NEK10: variants seen among roughly 807,000 people sequenced by gnomAD.
NEK10 encodes NIMA related kinase 10.
Under a neutral mutation model 159.8 loss-of-function variants are expected in NEK10, and 122 were observed. The observed-to-expected ratio is 0.76, with a 90% CI of 0.66 to 0.89. NEK10 has a LOEUF of 0.89. NEK10 is among the 40% of genes least tolerant of loss of function. The pLI, the probability that NEK10 is intolerant of heterozygous loss-of-function variation, is 0.00. For synonymous variants in NEK10, 466 were observed against 457.1 expected, an observed-to-expected ratio of 1.02 and a Z score of -0.25; for missense variants, 1,342 against 1,323.1, an observed-to-expected ratio of 1.01 and a Z score of -0.22.
At chr3:27,246,228 A>G (rs1955045106) in intron 23 of NEK10, among the ~76,000 whole-genome samples, 1 of 152,062 alleles carries the variant, frequency 6.6e-6, no homozygotes, top group Non-Finnish European at 1.5e-5. Flanking sequence ...CTTTTTTATT[A>G]TGACTTTTAG....
intron 1 of NEK10, among the ~76,000 whole-genome samples, chr3:27,354,699 G>A (rs1439892371): frequency 6.6e-6 from 1 of 152,186 alleles, no homozygotes; most frequent in Non-Finnish European, 1.5e-5. Context: ...GTTGCCCAAA[G>A]GCAGACAATG....
intron 22 of NEK10, among the ~76,000 whole-genome samples, chr3:27,262,879 C>G (rs1037224091): frequency 6.6e-6 from 1 of 152,356 alleles, no homozygotes; most frequent in South Asian, 2.1e-4. Context: ...TGGTGAGGAG[C>G]TGCATTCCTT....
At chr3:27,276,265 A>G (rs2041763820) in intron 22 of NEK10, among the ~76,000 whole-genome samples, 1 of 151,974 alleles carries the variant, frequency 6.6e-6, no homozygotes, top group African/African-American at 2.4e-5. Flanking sequence ...TGTTTTCAAT[A>G]CTTTGTGCCA....
intron 2 of NEK10, 21 bp downstream of exon 2, chr3:27,352,791 A>T (rs765328757): frequency 6.4e-7 from 1 of 1,556,972 alleles, no homozygotes; most frequent in South Asian, 1.1e-5. Context: ...AACAATTAGC[A>T]AACACTCAGT....
chr3:27,368,468 G>C (rs540197980), intron 1 of NEK10, among the ~76,000 whole-genome samples: 1 of 152,244 alleles, frequency 6.6e-6, no homozygotes, highest in African/African-American at 2.4e-5. Context: ...AGTAAAAATA[G>C]AGATGGTAAT....
chr3:27,263,781 T>C (rs1191317411), intron 22 of NEK10, among the ~76,000 whole-genome samples: 1 of 152,196 alleles, frequency 6.6e-6, no homozygotes, highest in African/African-American at 2.4e-5. Flanking sequence ...AGGCAATGCC[T>C]CGCCCTGCTT....
At chr3:27,233,276 C>A (rs778366875) in intron 23 of NEK10, among the ~76,000 whole-genome samples, 1 of 151,982 alleles carries the variant, frequency 6.6e-6, no homozygotes, top group Non-Finnish European at 1.5e-5. Context: ...AAACAACCAG[C>A]AAACATATGA....
chr3:27,335,903 CAAA>C (rs2046769544), intron 5 of NEK10, among the ~76,000 whole-genome samples: 1 of 151,870 alleles, frequency 6.6e-6, no homozygotes, highest in African/African-American at 2.4e-5. Flanking sequence ...ATGCTTACAT[CAAA>C]AAAGTAGAAA....
At chr3:27,285,549 A>C (rs1052594178) in intron 20 of NEK10, among the ~76,000 whole-genome samples, 28 of 152,178 alleles carry the variant, frequency 1.8e-4, no homozygotes, top group East Asian at 5.8e-4. Flanking sequence ...AACAAACAAA[A>C]AAAAACAAAA....
At chr3:27,229,249 G>T (rs1004479400) in intron 23 of NEK10, among the ~76,000 whole-genome samples, 1 of 152,048 alleles carries the variant, frequency 6.6e-6, no homozygotes, top group Non-Finnish European at 1.5e-5. Flanking sequence ...TACAACTTAG[G>T]AACTCATACA....
At chr3:27,283,029 T>G (rs191207459) in intron 22 of NEK10, among the ~76,000 whole-genome samples, 2,277 of 152,258 alleles carry the variant, frequency 0.015, 27 homozygotes, top group Middle Eastern at 0.041. Flanking sequence ...AGTAGCTTTG[T>G]ATTGAAGGTT....
intron 30 of NEK10, chr3:27,143,434 TTTGACTC>T: frequency 1.3e-6 from 1 of 760,646 alleles, no homozygotes; most frequent in Non-Finnish European, 2.4e-6. Context: ...ATCACATAGG[TTTGACTC>T]TACCTTGCCA....
At chr3:27,249,587 C>G (rs1383903170) in intron 23 of NEK10, among the ~76,000 whole-genome samples, 1 of 151,920 alleles carries the variant, frequency 6.6e-6, no homozygotes, top group Non-Finnish European at 1.5e-5. Flanking sequence ...CTTTTTCCTT[C>G]TCTTTATTTT....
In NEK10 at chr3:27,284,704, G is replaced by T. The variant is rs751621232; in HGVS notation, c.1912C>A (p.Leu638Met). 6.2e-7 allele frequency: 1 copy of T among 1,601,582 alleles called. No homozygotes were observed. Among genetic ancestry groups the T allele is most frequent in the Non-Finnish European group, 8.6e-7 (1 of 1,168,808 alleles). ...TGTAAGTATCGAAGAGCTAAGCACA[G>T]CTTGAAACAATGAATAGAAAACAAA... The part of the protein sequence containing the change: ...EERLWKIFIQ[L>M]CLALRYLHKE... The change falls in exon 22 of 36, where the codon CTG becomes ATG. Residue 638 changes from leucine to methionine, a missense_variant and splice_region_variant. Leu to Met is a conservative substitution (Grantham distance 15). Transcript: ENST00000691995.
chr3:27,214,998 C>G lies in NEK10; in HGVS notation c.2091-12441G>C. The G allele has an allele frequency of 5.9e-6, 4 of 675,854 alleles. No homozygotes were observed. The East Asian group carries it at 1.1e-4, about 18-fold the overall frequency. 41.9% of individuals were successfully genotyped at this position (675,854 alleles called of 1,614,324 possible). A position where few individuals can be genotyped will look rare whatever the true frequency, so the allele number is the denominator to read the frequency against. On this transcript the variant is annotated intron_variant, in intron 23 of 35. Coordinates refer to ENST00000691995, the MANE Select transcript of NEK10 (RefSeq NM_001394966.1). ...CATCCGCCAGGCACCGGTCCCACTT[C>G]CGGCCAAGCTCCAACTCCGACCTGT...
intron 30 of NEK10, 59 bp downstream of exon 30, chr3:27,162,642 A>C: frequency 6.2e-7 from 1 of 1,614,106 alleles, no homozygotes; most frequent in Non-Finnish European, 8.5e-7. Flanking sequence ...ACTGTAACAT[A>C]AATTACATTG....
At chr3:27,140,806 A>G (rs1321827639) in intron 31 of NEK10, among the ~76,000 whole-genome samples, 1 of 152,210 alleles carries the variant, frequency 6.6e-6, no homozygotes, top group East Asian at 1.9e-4. Context: ...TTATATGTCA[A>G]GTGAGTGAAT....
At chr3:27,215,017 G>T in intron 23 of NEK10, 1 of 630,828 alleles carries the variant, frequency 1.6e-6, no homozygotes, top group Non-Finnish European at 3.0e-6. Flanking sequence ...CTCCAACTCC[G>T]ACCTGTTCCC....
At chr3:27,335,759 G>A (rs1309507443) in intron 5 of NEK10, among the ~76,000 whole-genome samples, 4 of 152,148 alleles carry the variant, frequency 2.6e-5, no homozygotes, top group Non-Finnish European at 5.9e-5. Flanking sequence ...GCTCCTGAAT[G>A]ACCATTGAGT....
Sources: gnomAD v4.1 joint callset for allele counts (sites outside exome capture counted in the v4.1 genomes callset) on GRCh38, gnomAD v4.1.1 for gene constraint, MANE v1.5 for transcripts, NCBI Gene and HGNC (gene_info 2026-07-23, HGNC 2026-07-21) for gene names.